The following TTYH2 variants were observed in gnomAD, a reference collection of about 807,000 sequenced individuals.
The protein encoded by TTYH2 is tweety family member 2.
In TTYH2, 49 loss-of-function variants were observed where a neutral mutation model predicts 68.3. The observed-to-expected ratio is 0.72, with a 90% confidence interval of 0.57 to 0.91. The LOEUF (loss-of-function observed/expected upper bound fraction) is 0.91, where lower values mean the gene tolerates loss of function less well. TTYH2 is among the 40% of genes least tolerant of loss of function. The pLI, the probability that TTYH2 is intolerant of heterozygous loss-of-function variation, is 0.00. For synonymous variants in TTYH2, 272 were observed against 300.8 expected, an observed-to-expected ratio of 0.90 and a Z score of 0.99; for missense variants, 631 against 700.4, an observed-to-expected ratio of 0.90 and a Z score of 1.12.
In TTYH2 at chr17:74,215,855, G is replaced by A. The variant is rs2050217475; in HGVS notation, c.129+2139G>A. On this transcript the variant is annotated intron_variant, in intron 1 of 13. Coordinates refer to ENST00000269346, the MANE Select transcript of TTYH2 (RefSeq NM_032646.6). The surrounding 1 kb of genome is among the most constrained non-coding windows in gnomAD (Gnocchi z 4.3). ...GGAGCAAGTGCTATGCCAGGCGTGGGGTGACCGTGGTAACCAAGGCAGCAG... is the reference window on the plus strand; with the variant it reads ...GGAGCAAGTGCTATGCCAGGCGTGGAGTGACCGTGGTAACCAAGGCAGCAG... 1.2e-6 allele frequency: 1 copy of A among 803,682 alleles called. No homozygotes were observed. Among genetic ancestry groups the A allele is most frequent in the African/African-American group, 1.7e-5 (1 of 57,936 alleles). The allele number at this position is 803,682 out of a possible 1,614,324, so 49.8% of individuals were successfully genotyped here.
chr17:74,253,290 G>C (rs752155645), intron 12 of TTYH2, 24 bp downstream of exon 12: 3 of 1,561,002 alleles, frequency 1.9e-6, no homozygotes, highest in Non-Finnish European at 2.6e-6. Flanking sequence ...ACACACCCAG[G>C]CTGGGTAGCA....
At chr17:74,231,812 C>T (rs1233216848) in intron 3 of TTYH2, among the ~76,000 whole-genome samples, 1 of 152,096 alleles carries the variant, frequency 6.6e-6, no homozygotes, top group African/African-American at 2.4e-5. Flanking sequence ...TCTGGCCTGG[C>T]CAGAGGAGGT....
chr17:74,253,414 G>A (rs918541227), intron 12 of TTYH2, 148 bp downstream of exon 12: 64 of 941,032 alleles, frequency 6.8e-5, no homozygotes, highest in Middle Eastern at 3.4e-4. Context: ...GAAGGCCCCC[G>A]GGGAGCATCT....
intron 13 of TTYH2, 152 bp downstream of exon 13, chr17:74,253,985 C>A: frequency 1.3e-6 from 1 of 772,106 alleles, no homozygotes; most frequent in Non-Finnish European, 2.1e-6. Flanking sequence ...GTATCCCAGG[C>A]AGTCCGCTAA....
chr17:74,227,979 C>CT (rs1220459113), intron 2 of TTYH2, among the ~76,000 whole-genome samples: 1 of 109,292 alleles, frequency 9.1e-6, no homozygotes. Flanking sequence ...CTTTTCTTTT[C>CT]TTTCTTTTTT....
chr17:74,249,824 G>A, intron 8 of TTYH2, 112 bp from the exon 9 acceptor site: 1 of 1,260,112 alleles, frequency 7.9e-7, no homozygotes, highest in East Asian at 2.6e-5. Context: ...GGGGTGGGAG[G>A]GGCAGGAGCA....
At chr17:74,229,324 C>T (rs1176777215) in intron 2 of TTYH2, among the ~76,000 whole-genome samples, 4 of 152,172 alleles carry the variant, frequency 2.6e-5, no homozygotes, top group African/African-American at 9.7e-5. Context: ...AGGCCCTCCC[C>T]AGATCTACTG....
Position 74,237,450 on chromosome 17 carries a change from T to C in TTYH2, c.571T>C (p.Trp191Arg). 3 of 1,614,030 alleles carry C rather than the reference T, an allele frequency of 1.9e-6. No homozygotes were observed. Among genetic ancestry groups the C allele is most frequent in the Non-Finnish European group, 2.5e-6 (3 of 1,179,988 alleles). The change falls in exon 4 of 14, where the codon TGG (tryptophan) becomes CGG (arginine). Residue 191 changes from tryptophan (W) to arginine (R), a missense_variant. By Grantham distance (101) the Trp-to-Arg change is moderately radical (BLOSUM62 -3). Transcript: ENST00000269346. ...TGTTCAGCTCTCAGGACTGCCCGTG[T>C]GGAGGGAGGTCACCATGGAGCTGAC... ...VVVQLSGLPV[W>R]REVTMELTKL...
Position 74,246,441 on chromosome 17 carries a change from C to T in TTYH2, c.804+2392C>T, listed in dbSNP as rs578233364. Among the ~76,000 whole-genome samples the T allele has an allele frequency of 2.0e-5, 3 of 152,218 alleles. No homozygotes were observed. In the East Asian group the frequency reaches 5.8e-4, roughly 29 times the overall value. The stretch of plus-strand genomic sequence containing the variant: ...ATGAGTGGGTTCATCCTGGGAGGCA[C>T]ACAGAAAATGTCCAATAAACAGTGG... On this transcript the variant is annotated intron_variant, in intron 6 of 13. Coordinates refer to ENST00000269346, the MANE Select transcript of TTYH2 (RefSeq NM_032646.6).
At chr17:74,216,673 A>G (rs549948644) in intron 1 of TTYH2, among the ~76,000 whole-genome samples, 1 of 152,258 alleles carries the variant, frequency 6.6e-6, no homozygotes, top group African/African-American at 2.4e-5. Flanking sequence ...TGGGGAGGCT[A>G]CCCTCCAGTG....
At chr17:74,234,917 T>C (rs1184993100) in intron 3 of TTYH2, among the ~76,000 whole-genome samples, 2 of 152,232 alleles carry the variant, frequency 1.3e-5, no homozygotes, top group African/African-American at 4.8e-5. Flanking sequence ...TCTTATTAAA[T>C]TGAACAGCCA....
chr17:74,229,154 T>C (rs910797350), intron 2 of TTYH2, among the ~76,000 whole-genome samples: 9 of 152,000 alleles, frequency 5.9e-5, no homozygotes, highest in Non-Finnish European at 1.3e-4. Context: ...CTGAGGATGT[T>C]GGGGGAAAGG....
At chr17:74,221,247 GC>G (rs2050272727) in intron 1 of TTYH2, among the ~76,000 whole-genome samples, 1 of 152,204 alleles carries the variant, frequency 6.6e-6, no homozygotes, top group Non-Finnish European at 1.5e-5. Flanking sequence ...CCGAAGACCT[GC>G]CCGCATCTCA....
At chr17:74,247,181 C>CAAAAAA (rs71157049) in intron 6 of TTYH2, among the ~76,000 whole-genome samples, 4 of 77,220 alleles carry the variant, frequency 5.2e-5, no homozygotes, top group East Asian at 9.8e-4. Context: ...GACTCTGTCT[C>CAAAAAA]AAAAAAAAAA....
At position 74,215,156 on chromosome 17, in the gene TTYH2, A is replaced by C. The variant is rs2050209674; in HGVS notation, c.129+1440A>C. Reference sequence around the variant, plus strand: ...GAATGCATGAAAAGAGGCGGATATGATTTCAGAAACAGCCGTGTGTGTGTG... The same window carrying C: ...GAATGCATGAAAAGAGGCGGATATGCTTTCAGAAACAGCCGTGTGTGTGTG... On this transcript the variant is annotated intron_variant, in intron 1 of 13. Transcript: ENST00000269346. This position sits in a 1 kb window ranked among gnomAD's most constrained non-coding sequence, Gnocchi z 4.3. 1.4e-5 allele frequency among the ~76,000 whole-genome samples: 2 copies of C among 144,970 alleles called. No individual in the cohort carries two copies. Among genetic ancestry groups the C allele is most frequent in the Admixed American group, 6.8e-5 (1 of 14,734 alleles).
intron 2 of TTYH2, among the ~76,000 whole-genome samples, chr17:74,225,883 GAT>G (rs2050324741): frequency 2.0e-5 from 3 of 152,354 alleles, no homozygotes; most frequent in African/African-American, 7.2e-5. Flanking sequence ...GGGTCGCATA[GAT>G]GCGGGCAAGA....
intron 13 of TTYH2, among the ~76,000 whole-genome samples, chr17:74,257,674 A>C (rs2050707048): frequency 6.6e-6 from 1 of 152,136 alleles, no homozygotes; most frequent in Non-Finnish European, 1.5e-5. Context: ...TCAAGGAATA[A>C]TCTCTCCTGT....
rs151145678 is a variant in TTYH2, at chr17:74,243,447, C to T, written c.709C>T (p.Arg237Cys). ...CATTGCCTGCCTGGGACTGGCCAAG[C>T]GCTCCAAGTGTCTCCTGGCCTCGTG... ...CLIACLGLAK[R>C]SKCLLASMLC... Residue 237 changes from arginine (R) to cysteine (C), a missense_variant, in exon 5 of 14, where the codon CGC becomes TGC. Coordinates refer to ENST00000269346, the MANE Select transcript of TTYH2 (RefSeq NM_032646.6). The T allele has an allele frequency of 1.2e-3, 1,985 of 1,614,150 alleles. 2 individuals are homozygous for T. The highest frequency in any genetic ancestry group is 8.3e-3 in the African/African-American group (620 of 75,036).
rs779685614 is a variant in TTYH2, at chr17:74,243,414, A to G, written c.676A>G (p.Ile226Val). 3 of 1,614,056 alleles carry G rather than the reference A, an allele frequency of 1.9e-6. No individual in the cohort carries two copies. The highest frequency in any genetic ancestry group is 1.7e-5 in the Admixed American group (1 of 60,004). ...YLLLFILDLV[I>V]CLIACLGLAK... Reference sequence around the variant, plus strand: ...CCTGCTCTTTATCCTGGACCTGGTCATCTGCCTCATTGCCTGCCTGGGACT... The same window carrying G: ...CCTGCTCTTTATCCTGGACCTGGTCGTCTGCCTCATTGCCTGCCTGGGACT... Residue 226 changes from isoleucine to valine, a missense_variant, in exon 5 of 14, where the codon ATC becomes GTC. Transcript: ENST00000269346.
Sources: allele counts gnomAD v4.1 joint callset (sites outside exome capture counted in the v4.1 genomes callset), GRCh38; gene constraint gnomAD v4.1.1; non-coding constraint Gnocchi (gnomAD v3.1); transcripts MANE v1.5; gene names NCBI Gene and HGNC (gene_info 2026-07-23, HGNC 2026-07-21).